ROBO2: variants seen among roughly 807,000 people sequenced by gnomAD.
ROBO2 encodes roundabout guidance receptor 2.
A neutral mutation model predicts 160.8 loss-of-function variants in ROBO2; 53 were observed. That is an observed-to-expected ratio of 0.33 (90% confidence interval 0.26 to 0.41). The LOEUF is 0.41. Among genes scored for constraint, ROBO2 ranks in the 10% least tolerant of loss-of-function variants. The pLI, the probability that ROBO2 is intolerant of heterozygous loss-of-function variation, is 1.00. For missense variants in ROBO2, 1,577 were observed against 1,722.4 expected (o/e 0.92, Z 1.49); for synonymous variants, 664 against 611.7 (o/e 1.09, Z -1.26).
intron 2 of ROBO2, among the ~76,000 whole-genome samples, chr3:77,462,452 A>T (rs2082341302): frequency 6.6e-6 from 1 of 152,224 alleles, no homozygotes; most frequent in Non-Finnish European, 1.5e-5. Flanking sequence ...CATGCTTACT[A>T]GCATCCTACA....
chr3:76,679,308 T>C (rs1287406809), intron 2 of ROBO2, among the ~76,000 whole-genome samples: 1 of 152,154 alleles, frequency 6.6e-6, no homozygotes, highest in East Asian at 1.9e-4. Flanking sequence ...ATTAACATTT[T>C]ATAGACATTT....
intron 2 of ROBO2, among the ~76,000 whole-genome samples, chr3:77,413,824 T>A (rs1351232017): frequency 6.6e-6 from 1 of 152,042 alleles, no homozygotes. Context: ...GAGATGCAAA[T>A]GTTAATGGAC....
chr3:76,462,895 T>C (rs1156589465), intron 2 of ROBO2, among the ~76,000 whole-genome samples: 5 of 152,210 alleles, frequency 3.3e-5, no homozygotes, highest in Non-Finnish European at 7.3e-5. Flanking sequence ...CTACCCTTTG[T>C]CCCTCTTTGG....
At chr3:77,190,433 A>C (rs2081728480) in intron 2 of ROBO2, among the ~76,000 whole-genome samples, 1 of 152,024 alleles carries the variant, frequency 6.6e-6, no homozygotes, top group Non-Finnish European at 1.5e-5. Flanking sequence ...TGAGTGCTCT[A>C]TAAACAGATT....
At chr3:75,914,634 C>G (rs1946733122) in intron 1 of ROBO2, among the ~76,000 whole-genome samples, 1 of 151,980 alleles carries the variant, frequency 6.6e-6, no homozygotes, top group African/African-American at 2.4e-5. Context: ...TGAAAAGGAC[C>G]CAAAATCCCT....
Position 76,585,870 on chromosome 3 carries a change from A to T in ROBO2, c.110-512144A>T, listed in dbSNP as rs550851071. 1.2e-4 allele frequency among the ~76,000 whole-genome samples: 18 copies of T among 152,328 alleles called. No homozygotes were observed. The South Asian group carries it at 3.7e-3, about 32-fold the overall frequency. On this transcript the variant is annotated intron_variant, in intron 2 of 26. Transcript: ENST00000487694. ...TGCGTATACAGTATGTTATATACACATATATATCACAAAATAATTCTCAAA... is the reference window on the plus strand; with the variant it reads ...TGCGTATACAGTATGTTATATACACTTATATATCACAAAATAATTCTCAAA...
intron 2 of ROBO2, among the ~76,000 whole-genome samples, chr3:76,501,336 C>T (rs2080452743): frequency 6.6e-6 from 1 of 152,144 alleles, no homozygotes; most frequent in South Asian, 2.1e-4. Flanking sequence ...CCAAATACTC[C>T]AGTAATGATA....
At chr3:77,588,601 G>A in intron 16 of ROBO2, 150 bp from the exon 18 acceptor site, 1 of 708,072 alleles carries the variant, frequency 1.4e-6, no homozygotes, top group Non-Finnish European at 2.4e-6. Context: ...GAAAATTATG[G>A]GCTATGCTTA....
At chr3:77,081,725 C>T (rs1339744517) in intron 1 of ROBO2, among the ~76,000 whole-genome samples, 1 of 152,138 alleles carries the variant, frequency 6.6e-6, no homozygotes, top group East Asian at 1.9e-4. Flanking sequence ...GAGCAATGAG[C>T]TCTTCAGGCA....
chr3:76,803,378 G>C (rs1052705686), intron 2 of ROBO2, among the ~76,000 whole-genome samples: 1 of 147,924 alleles, frequency 6.8e-6, no homozygotes, highest in Non-Finnish European at 1.5e-5. Flanking sequence ...AGGAGGAGGA[G>C]GATACAGAAA....
At chr3:77,060,073 G>A (rs2066143190) in intron 1 of ROBO2, among the ~76,000 whole-genome samples, 1 of 151,928 alleles carries the variant, frequency 6.6e-6, no homozygotes, top group South Asian at 2.1e-4. Flanking sequence ...AATGACTAGA[G>A]CAAACTATAA....
At chr3:76,779,962 A>G (rs565430307) in intron 2 of ROBO2, among the ~76,000 whole-genome samples, 1 of 151,086 alleles carries the variant, frequency 6.6e-6, no homozygotes, top group Admixed American at 6.6e-5. Flanking sequence ...TTAATCCTTG[A>G]AGAAACTCCA....
intron 2 of ROBO2, among the ~76,000 whole-genome samples, chr3:76,283,201 T>TA (rs1053354718): frequency 7.5e-6 from 1 of 133,360 alleles, no homozygotes; most frequent in Non-Finnish European, 1.6e-5. Context: ...GCACCCTTGT[T>TA]AAGAGGTAGT....
intron 2 of ROBO2, among the ~76,000 whole-genome samples, chr3:75,980,849 CA>C (rs1559802112): frequency 5.9e-5 from 9 of 151,518 alleles, no homozygotes; most frequent in Middle Eastern, 3.4e-3. Context: ...AGTGCAGGAA[CA>C]AACATTATTA....
In ROBO2 at chr3:76,127,597, A is replaced by AAAAATATAT. The variant is rs879328622; in HGVS notation, c.109+189996_109+189997insAAATATATA. 9.4e-4 allele frequency among the ~76,000 whole-genome samples: 111 copies of AAAAATATAT among 118,404 alleles called. No homozygotes were observed. In the East Asian group the frequency reaches 0.017, roughly 18 times the overall value. 77.7% of individuals were successfully genotyped at this position (118,404 alleles called of 152,430 possible). A position where few individuals can be genotyped will look rare whatever the true frequency, so the allele number is the denominator to read the frequency against. ...GTGCTTTCTCTATATGGTTTGAAAAAATATATATATATATATACATATACT... is the reference window on the plus strand; with the variant it reads ...GTGCTTTCTCTATATGGTTTGAAAAAAAAATATATATATATATATATATATACATATACT... On this transcript the variant is annotated intron_variant, in intron 2 of 26. Transcript: ENST00000487694.
At chr3:76,388,083 C>G (rs2108616765) in intron 2 of ROBO2, among the ~76,000 whole-genome samples, 1 of 152,120 alleles carries the variant, frequency 6.6e-6, no homozygotes, top group African/African-American at 2.4e-5. Flanking sequence ...CTTTTTTGTT[C>G]CATGCTTCCC....
At chr3:77,065,904 G>A (rs1003805110) in intron 1 of ROBO2, among the ~76,000 whole-genome samples, 1 of 152,010 alleles carries the variant, frequency 6.6e-6, no homozygotes, top group East Asian at 1.9e-4. Flanking sequence ...AGTCCATATC[G>A]CAAAATCAAG....
At chr3:76,726,068 C>T (rs1576259682) in intron 2 of ROBO2, among the ~76,000 whole-genome samples, 1 of 152,142 alleles carries the variant, frequency 6.6e-6, no homozygotes, top group Non-Finnish European at 1.5e-5. Flanking sequence ...TAACATCACA[C>T]GCGCATACAT....
intron 2 of ROBO2, among the ~76,000 whole-genome samples, chr3:76,871,237 A>C (rs1209658869): frequency 6.6e-6 from 1 of 152,170 alleles, no homozygotes; most frequent in Non-Finnish European, 1.5e-5. Flanking sequence ...GATTTGACTA[A>C]CTGAATCCAG....
Sources: gnomAD v4.1 joint callset for allele counts (sites outside exome capture counted in the v4.1 genomes callset) on GRCh38, gnomAD v4.1.1 for gene constraint, MANE v1.5 for transcripts, NCBI Gene and HGNC (gene_info 2026-07-23, HGNC 2026-07-21) for gene names.